Variants in MIER1 observed in about 807,000 individuals in gnomAD.
MIER1 encodes the protein MIER1 transcriptional regulator.
MIER1 carries 40 observed loss-of-function variants against 75.7 expected under a neutral mutation model. The ratio of observed to expected loss-of-function variants is 0.53; its 90% CI spans 0.41 to 0.69. The LOEUF (loss-of-function observed/expected upper bound fraction) is 0.69, where lower values mean the gene tolerates loss of function less well. MIER1 is among the 30% of genes least tolerant of loss of function. The probability of loss-of-function intolerance (pLI) is 0.00; values close to 1 mark genes in which losing one functional copy is unlikely to be tolerated. For missense variants in MIER1, 574 were observed against 680.2 expected, an observed-to-expected ratio of 0.84 and a Z score of 1.74; for synonymous variants, 213 against 223.4, an observed-to-expected ratio of 0.95 and a Z score of 0.42.
At position 66,963,178 on chromosome 1, in the gene MIER1, T is replaced by A; in HGVS notation, c.772+18T>A. Reference sequence around the variant, plus strand: ...TGAAAAAGGTGGGTTATTAGTAAAGTTACGTAGCTGAATTTATGCTTTCAG... The same window carrying A: ...TGAAAAAGGTGGGTTATTAGTAAAGATACGTAGCTGAATTTATGCTTTCAG... On this transcript the variant is annotated intron_variant, in intron 8 of 13. Transcript: ENST00000401041. 1 of 1,486,954 alleles carries A rather than the reference T, an allele frequency of 6.7e-7. No homozygotes were observed. The highest frequency in any genetic ancestry group is 9.4e-7 in the Non-Finnish European group (1 of 1,064,980). 92.1% of individuals were successfully genotyped at this position (1,486,954 alleles called of 1,614,324 possible).
In MIER1 at chr1:66,948,045, C is replaced by T. The variant is rs1394636380; in HGVS notation, c.339+1750C>T. ...ACCACTGTCCCCTATTCAATGCTTT[C>T]TTTAGTGTTAGGACACAATTTGTAA... is the stretch of plus-strand genomic sequence containing the variant. On this transcript the variant is annotated intron_variant, in intron 4 of 13. Transcript: ENST00000401041. 3 of 975,440 alleles carry T rather than the reference C, an allele frequency of 3.1e-6. No homozygotes were observed. In the African/African-American group the frequency reaches 5.3e-5, roughly 17 times the overall value. The allele number at this position is 975,440 out of a possible 1,614,324, so 60.4% of individuals were successfully genotyped here.
intron 12 of MIER1, among the ~76,000 whole-genome samples, chr1:66,981,182 A>G (rs1665809465): frequency 6.6e-6 from 1 of 152,190 alleles, no homozygotes. Flanking sequence ...TCACTTAACC[A>G]CAGTTACGTA....
Position 66,970,935 on chromosome 1 carries a change from A to C in MIER1, c.900A>C (p.Gly300=), listed in dbSNP as rs115270426. 1.1e-3 allele frequency: 1,673 copies of C among 1,582,670 alleles called. 16 individuals are homozygous for C. In the African/African-American group the frequency reaches 0.02, roughly 19 times the overall value. Residue 300 remains glycine (G), a synonymous_variant, in exon 9 of 14, where the codon GGA becomes GGC. Transcript: ENST00000401041. The stretch of plus-strand genomic sequence containing the variant: ...AGGGTGTAGAAGCAATTCCTGAAGG[A>C]TCTCACATAAAAGACAATGAACAGG... ...DEKGVEAIPE[G]SHIKDNEQAL...
At position 66,970,415 on chromosome 1, in the gene MIER1, T is replaced by G. The variant is rs1322173236; in HGVS notation, c.773-393T>G. Among the ~76,000 whole-genome samples the G allele has an allele frequency of 1.3e-5, 2 of 152,186 alleles. 1 individual carries two copies. ...GGATTTTAGTATGTGCCAGAATGATTGTAAAGTGCTTTAAATCCTTAAAAC... is the reference window on the plus strand; with the variant it reads ...GGATTTTAGTATGTGCCAGAATGATGGTAAAGTGCTTTAAATCCTTAAAAC... On this transcript the variant is annotated intron_variant, in intron 8 of 13. Transcript: ENST00000401041.
intron 2 of MIER1, chr1:66,928,884 C>T (rs1435691417): frequency 6.3e-7 from 1 of 1,591,580 alleles, no homozygotes; most frequent in Non-Finnish European, 8.6e-7. Context: ...GCTTTTCTTT[C>T]AGTAGAAAAT....
intron 9 of MIER1, among the ~76,000 whole-genome samples, 192 bp from the exon 10 acceptor site, chr1:66,971,463 T>C (rs1211112719): frequency 6.6e-6 from 1 of 152,054 alleles, no homozygotes; most frequent in East Asian, 1.9e-4. Flanking sequence ...TTTGTACATA[T>C]TTAAAGGTAG....
chr1:66,966,148 G>T (rs1305307509), intron 8 of MIER1, among the ~76,000 whole-genome samples: 2 of 151,890 alleles, frequency 1.3e-5, no homozygotes, highest in East Asian at 1.9e-4. Flanking sequence ...AACTTGTCAT[G>T]TACATTAGGT....
At chr1:66,963,589 C>CT (rs1661691701) in intron 8 of MIER1, among the ~76,000 whole-genome samples, 1 of 152,130 alleles carries the variant, frequency 6.6e-6, no homozygotes. Flanking sequence ...GAAACTTTCA[C>CT]TAAGCAAAAT....
chr1:66,925,432 G>A, intron 1 of MIER1: 6 of 985,418 alleles, frequency 6.1e-6, no homozygotes, highest in Non-Finnish European at 7.2e-6. Context: ...AGTCGGGGTG[G>A]GGCTAAGCTG....
At chr1:66,963,911 A>C (rs968808501) in intron 8 of MIER1, among the ~76,000 whole-genome samples, 1 of 152,052 alleles carries the variant, frequency 6.6e-6, no homozygotes, top group Non-Finnish European at 1.5e-5. Flanking sequence ...CCGTCTGAGG[A>C]AAAAAATAAA....
intron 8 of MIER1, among the ~76,000 whole-genome samples, chr1:66,967,242 C>T (rs772433852): frequency 1.3e-5 from 2 of 152,172 alleles, no homozygotes; most frequent in Non-Finnish European, 2.9e-5. Context: ...AGTTTCCCAG[C>T]ACCATTTATT....
chr1:66,966,521 C>T (rs895320050), intron 8 of MIER1, among the ~76,000 whole-genome samples: 5 of 152,116 alleles, frequency 3.3e-5, no homozygotes, highest in African/African-American at 7.2e-5. Context: ...TTTATAGCAG[C>T]GTGATTTATA....
intron 13 of MIER1, among the ~76,000 whole-genome samples, chr1:66,983,816 C>T (rs1666369319): frequency 6.6e-6 from 1 of 152,208 alleles, no homozygotes; most frequent in Non-Finnish European, 1.5e-5. Context: ...CAACCTCCGC[C>T]TCCTGGGTTC....
rs17129538 is a variant in MIER1, at chr1:66,951,767, C to T, written c.339+5472C>T. Among the ~76,000 whole-genome samples, 539 of 152,146 alleles carry T rather than the reference C, an allele frequency of 3.5e-3. 3 individuals carry two copies. The highest frequency in any genetic ancestry group is 0.012 in the African/African-American group (515 of 41,506). On this transcript the variant is annotated intron_variant, in intron 4 of 13. Transcript: ENST00000401041. ...GCTACATTCCTGTATTTTTATTCAT[C>T]ATGTACTATGCCCACTTTCCTTATT...
intron 11 of MIER1, among the ~76,000 whole-genome samples, chr1:66,975,691 A>C (rs942159416): frequency 1.3e-5 from 2 of 152,176 alleles, no homozygotes; most frequent in African/African-American, 4.8e-5. Context: ...TAGGCATTTA[A>C]CATTATGTGA....
At chr1:66,940,093 A>G (rs537772409) in intron 3 of MIER1, 41 bp downstream of exon 3, 1 of 1,473,762 alleles carries the variant, frequency 6.8e-7, no homozygotes, top group South Asian at 1.1e-5. Context: ...GATTTGAGTA[A>G]CATTTGTCCT....
intron 3 of MIER1, 68 bp from the exon 4 acceptor site, chr1:66,946,082 A>G: frequency 7.1e-7 from 1 of 1,399,848 alleles, no homozygotes; most frequent in South Asian, 1.4e-5. Context: ...AAATAAAAAT[A>G]TATACATTAA....
intron 8 of MIER1, among the ~76,000 whole-genome samples, chr1:66,966,369 C>T (rs1383678204): frequency 6.6e-6 from 1 of 152,170 alleles, no homozygotes; most frequent in African/African-American, 2.4e-5. Flanking sequence ...ATAAACTCCT[C>T]CTTTTTGATG....
At chr1:66,967,074 G>A (rs761305228) in intron 8 of MIER1, among the ~76,000 whole-genome samples, 1 of 152,116 alleles carries the variant, frequency 6.6e-6, no homozygotes, top group African/African-American at 2.4e-5. Flanking sequence ...TATTCAGGAA[G>A]TCTTTGCCCT....
Sources: gnomAD v4.1 joint callset for allele counts (sites outside exome capture counted in the v4.1 genomes callset) on GRCh38, gnomAD v4.1.1 for gene constraint, MANE v1.5 for transcripts, NCBI Gene and HGNC (gene_info 2026-07-23, HGNC 2026-07-21) for gene names.